Variants in SMG6 observed in about 807,000 individuals in gnomAD.
SMG6 encodes the protein telomerase-binding protein EST1A.
Under a neutral mutation model 142.2 loss-of-function variants are expected in SMG6, and 66 were observed. The observed-to-expected ratio is 0.46, with a 90% CI of 0.38 to 0.57. The LOEUF is 0.57. Ranked by LOEUF, SMG6 falls within the 20% of genes least tolerant of loss-of-function variation. The pLI is 0.00. For missense variants in SMG6, 1,793 were observed against 1,832.0 expected, an observed-to-expected ratio of 0.98 and a Z score of 0.39; for synonymous variants, 779 against 702.4, an observed-to-expected ratio of 1.11 and a Z score of -1.72.
chr17:2,166,263 G>A (rs886754533), intron 13 of SMG6, among the ~76,000 whole-genome samples: 2 of 152,062 alleles, frequency 1.3e-5, no homozygotes, highest in African/African-American at 2.4e-5. Context: ...AAGGTATCCA[G>A]TGAGAATCTA....
chr17:2,253,524 G>C (rs2074096287), intron 8 of SMG6, among the ~76,000 whole-genome samples: 2 of 152,096 alleles, frequency 1.3e-5, no homozygotes, highest in Admixed American at 6.6e-5. Flanking sequence ...CCGCACTTCA[G>C]AGCTACCACA....
At chr17:2,130,880 T>G (rs1430043840) in intron 13 of SMG6, among the ~76,000 whole-genome samples, 1 of 152,134 alleles carries the variant, frequency 6.6e-6, no homozygotes, top group Admixed American at 6.6e-5. Flanking sequence ...GGCAGGTGCC[T>G]GTAATCCCAG....
chr17:2,263,719 G>GAA (rs1462591736), intron 8 of SMG6, among the ~76,000 whole-genome samples: 8 of 152,184 alleles, frequency 5.3e-5, no homozygotes, highest in Admixed American at 5.2e-4. Flanking sequence ...TGAGTAAAGT[G>GAA]AAAGGCTTCC....
chr17:2,298,859 T>A (rs2075203782), intron 2 of SMG6, 47 bp downstream of exon 2: 1 of 1,559,654 alleles, frequency 6.4e-7, no homozygotes, highest in African/African-American at 1.4e-5. Context: ...TCTATACACC[T>A]CCGGCTGATC....
chr17:2,111,620 C>G (rs2069322692), intron 13 of SMG6, among the ~76,000 whole-genome samples: 2 of 152,116 alleles, frequency 1.3e-5, no homozygotes. Context: ...CCCAGACTGG[C>G]CTTGAACTCC....
chr17:2,157,566 T>G (rs965760468), intron 13 of SMG6, among the ~76,000 whole-genome samples: 4 of 152,020 alleles, frequency 2.6e-5, no homozygotes, highest in Non-Finnish European at 4.4e-5. Context: ...CCAACATGAG[T>G]ATGACTGAGC....
At chr17:2,093,820 T>C (rs2068788458) in intron 13 of SMG6, among the ~76,000 whole-genome samples, 1 of 152,192 alleles carries the variant, frequency 6.6e-6, no homozygotes, top group Admixed American at 6.5e-5. Flanking sequence ...GAGGTCTTGC[T>C]ATATTGTTGG....
intron 13 of SMG6, among the ~76,000 whole-genome samples, chr17:2,110,668 C>T (rs975787479): frequency 1.3e-5 from 2 of 152,162 alleles, no homozygotes; most frequent in Non-Finnish European, 2.9e-5. Flanking sequence ...CAGTCATCAT[C>T]AAGTCCAACA....
intron 13 of SMG6, among the ~76,000 whole-genome samples, chr17:2,121,195 T>C (rs746750391): frequency 1.2e-4 from 18 of 152,202 alleles, no homozygotes; most frequent in Non-Finnish European, 2.4e-4. Context: ...AAAAACAGAT[T>C]TGTGTACAAC....
chr17:2,154,055 T>C (rs1597481196), intron 13 of SMG6, among the ~76,000 whole-genome samples: 1 of 99,050 alleles, frequency 1.0e-5, no homozygotes. Context: ...TGGGGATGCA[T>C]ATAGAGTGTG....
intron 10 of SMG6, among the ~76,000 whole-genome samples, chr17:2,235,084 C>A (rs1024572215): frequency 6.6e-6 from 1 of 152,174 alleles, no homozygotes; most frequent in Admixed American, 6.5e-5. Flanking sequence ...TACTTGGTAG[C>A]AGACTGTCCC....
chr17:2,178,718 T>C (rs1348180331), intron 12 of SMG6, among the ~76,000 whole-genome samples: 1 of 152,198 alleles, frequency 6.6e-6, no homozygotes, highest in African/African-American at 2.4e-5. Context: ...CCCTCATATG[T>C]ATAGCCTCTG....
intron 6 of SMG6, among the ~76,000 whole-genome samples, chr17:2,285,934 A>G (rs142190649): frequency 0.01 from 1,538 of 152,224 alleles, 30 homozygotes; most frequent in African/African-American, 0.034. Context: ...TCAGCCTCCC[A>G]AAGTGCTGGG....
intron 8 of SMG6, among the ~76,000 whole-genome samples, chr17:2,263,567 G>T (rs2074361385): frequency 6.6e-6 from 1 of 152,138 alleles, no homozygotes; most frequent in South Asian, 2.1e-4. Flanking sequence ...AAAATGTGTG[G>T]TTAATACATT....
Position 2,299,185 on chromosome 17 carries a change from G to T in SMG6, c.1568C>A (p.Thr523Lys), listed in dbSNP as rs140068523. ...TGGGTACTGTAGAGGGTTATAGCCC[G>T]TATAGGGATACTGGGAGGCAGGGCC... Reference protein sequence around the residue: ...TPGPASQYPYTGYNPLQYPVG... With the variant: ...TPGPASQYPYKGYNPLQYPVG... The change falls in exon 2 of 19, where the codon ACG (threonine) becomes AAG (lysine). Residue 523 changes from threonine (T) to lysine (K), a missense_variant. Thr to Lys is a moderately conservative substitution (Grantham distance 78). Around this residue, in one of 3 missense-constraint regions of SMG6, gnomAD observed 1,597 missense variants for 1,584.6 expected, o/e 1.01. Transcript: ENST00000263073. This position sits in a 1 kb window ranked among gnomAD's most constrained non-coding sequence, Gnocchi z 4.3. 1.2e-6 allele frequency: 2 copies of T among 1,613,380 alleles called. No individual in the cohort carries two copies. The highest frequency in any genetic ancestry group is 1.7e-6 in the Non-Finnish European group (2 of 1,179,658).
intron 6 of SMG6, among the ~76,000 whole-genome samples, chr17:2,288,037 G>A (rs1793436397): frequency 6.6e-6 from 1 of 152,338 alleles, no homozygotes; most frequent in South Asian, 2.1e-4. Flanking sequence ...AGACAGGCAG[G>A]GCATGGTGGC....
In SMG6 at chr17:2,061,145, C is replaced by T. The variant is rs919416855; in HGVS notation, c.*347G>A. On this transcript the variant is annotated 3_prime_UTR_variant, in exon 19 of 19. Coordinates refer to ENST00000263073, the MANE Select transcript of SMG6 (RefSeq NM_017575.5). ...TCCACTGGAGAAAGTGGCTGCGTCC[C>T]CAGGCGAGAAGGCCCTCCCTCAGCC... is the stretch of plus-strand genomic sequence containing the variant. 8.5e-5 allele frequency: 19 copies of T among 223,190 alleles called. No individual in the cohort carries two copies. Among genetic ancestry groups the T allele is most frequent in the African/African-American group, 4.3e-4 (19 of 43,898 alleles). The allele number at this position is 223,190 out of a possible 1,614,324, so 13.8% of individuals were successfully genotyped here. A position where few individuals can be genotyped will look rare whatever the true frequency, so the allele number is the denominator to read the frequency against.
At chr17:2,112,749 T>G (rs986039118) in intron 13 of SMG6, among the ~76,000 whole-genome samples, 213 of 147,426 alleles carry the variant, frequency 1.4e-3, no homozygotes, top group African/African-American at 5.1e-3. Context: ...TGTAATGAGC[T>G]CCAAACTTTT....
At chr17:2,074,883 G>A (rs2068213798) in intron 15 of SMG6, among the ~76,000 whole-genome samples, 1 of 152,230 alleles carries the variant, frequency 6.6e-6, no homozygotes, top group Admixed American at 6.5e-5. Flanking sequence ...ACACCTTTGA[G>A]CTTGCTCTGA....
Sources: gnomAD v4.1 joint callset for allele counts (sites outside exome capture counted in the v4.1 genomes callset) on GRCh38, gnomAD v4.1.1 for gene constraint, gnomAD v4.1.1 regional missense constraint, Gnocchi (gnomAD v3.1) non-coding constraint, MANE v1.5 for transcripts, NCBI Gene and HGNC (gene_info 2026-07-23, HGNC 2026-07-21) for gene names.